Variants in CASZ1 observed in about 807,000 individuals in gnomAD.
CASZ1 encodes zinc finger protein castor homolog 1.
A neutral mutation model predicts 135.2 loss-of-function variants in CASZ1; 28 were observed. The ratio of observed to expected loss-of-function variants is 0.21; its 90% CI spans 0.15 to 0.28. The LOEUF is 0.28. Among genes scored for constraint, CASZ1 ranks in the 10% least tolerant of loss-of-function variants. The pLI, the probability that CASZ1 is intolerant of heterozygous loss-of-function variation, is 1.00. For missense variants in CASZ1, 2,161 were observed against 2,453.3 expected (o/e 0.88, Z 2.52); for synonymous variants, 1,068 against 1,073.4 (o/e 0.99, Z 0.10).
chr1:10,674,095 G>A (rs1643489800), intron 4 of CASZ1, among the ~76,000 whole-genome samples: 1 of 152,222 alleles, frequency 6.6e-6, no homozygotes, highest in East Asian at 1.9e-4. Context: ...GTGCCTGTAG[G>A]GGCCCCACAG....
chr1:10,754,870 GA>G lies in CASZ1; in HGVS notation c.-77+5830del, dbSNP rs1045185061. ...CAGCTCTTAACACAGATTACTAAGG[GA>G]AAAAAAAGTCGCTTTTAATTGCTTT... On this transcript the variant is annotated intron_variant, in intron 2 of 20. Coordinates refer to ENST00000377022, the MANE Select transcript of CASZ1 (RefSeq NM_001079843.3). 5.3e-5 allele frequency among the ~76,000 whole-genome samples: 8 copies of G among 152,092 alleles called. No individual in the cohort carries two copies. The East Asian group carries it at 1.4e-3, about 26-fold the overall frequency.
chr1:10,720,107 A>C lies in CASZ1; in HGVS notation c.-76-14563T>G, dbSNP rs903801204. Among the ~76,000 whole-genome samples, 1 of 152,220 alleles carries C rather than the reference A, an allele frequency of 6.6e-6. No individual in the cohort carries two copies. Among genetic ancestry groups the C allele is most frequent in the African/African-American group, 2.4e-5 (1 of 41,464 alleles). The stretch of plus-strand genomic sequence containing the variant: ...GCTTGGATCCGGCTGCAAGTTCTGA[A>C]GTCTGGTAGGTACCGATGGGCATGT... On this transcript the variant is annotated intron_variant, in intron 2 of 20. Coordinates refer to ENST00000377022, the MANE Select transcript of CASZ1 (RefSeq NM_001079843.3). The surrounding 1 kb of genome is among the most constrained non-coding windows in gnomAD (Gnocchi z 5.7).
In CASZ1 at chr1:10,646,172, C is replaced by T. The variant is rs750131413; in HGVS notation, c.3652G>A (p.Asp1218Asn). 1.2e-6 allele frequency: 2 copies of T among 1,614,164 alleles called. No individual in the cohort carries two copies. The highest frequency in any genetic ancestry group is 1.3e-5 in the African/African-American group (1 of 75,042). The change falls in exon 17 of 21, where the codon GAC (aspartate) becomes AAC (asparagine). Residue 1218 changes from aspartate to asparagine, a missense_variant. This residue lies in a region of CASZ1 where 349 missense variants were observed against 460.8 expected (regional missense o/e 0.76). Transcript: ENST00000377022. This position sits in a 1 kb window ranked among gnomAD's most constrained non-coding sequence, Gnocchi z 6.4. ...NPNNNLVNVRDQFAYYSLQCL... is the reference protein window; with the variant it reads ...NPNNNLVNVRNQFAYYSLQCL... ...TGCAGAGAGTAGTATGCAAACTGGTCTCGCACGTTCACCAGGTTGTTGTTG... is the reference window on the plus strand; with the variant it reads ...TGCAGAGAGTAGTATGCAAACTGGTTTCGCACGTTCACCAGGTTGTTGTTG...
chr1:10,743,664 T>TG (rs146404795), intron 2 of CASZ1, among the ~76,000 whole-genome samples: 2,344 of 23,454 alleles, frequency 0.1, 84 homozygotes, highest in African/African-American at 0.18. Context: ...GTCTCCAAAA[T>TG]GGGGGGGCGG....
At chr1:10,708,486 A>G (rs1378366830) in intron 2 of CASZ1, among the ~76,000 whole-genome samples, 1 of 152,216 alleles carries the variant, frequency 6.6e-6, no homozygotes, top group African/African-American at 2.4e-5. Flanking sequence ...GTACAGAGAA[A>G]AGTTGGCAAA....
At chr1:10,734,566 T>C (rs1639760907) in intron 2 of CASZ1, among the ~76,000 whole-genome samples, 1 of 152,180 alleles carries the variant, frequency 6.6e-6, no homozygotes. Context: ...AATTTTGTGT[T>C]CCTTGGTAAC....
At chr1:10,790,583 C>G (rs1382628330) in intron 1 of CASZ1, among the ~76,000 whole-genome samples, 4 of 152,194 alleles carry the variant, frequency 2.6e-5, no homozygotes, top group African/African-American at 9.7e-5. Context: ...AACAAGATAC[C>G]AAATAAATCT....
intron 1 of CASZ1, among the ~76,000 whole-genome samples, chr1:10,791,230 ACCAGTGGGGATT>A (rs1191435680): frequency 6.6e-6 from 1 of 152,190 alleles, no homozygotes; most frequent in Non-Finnish European, 1.5e-5. Flanking sequence ...GGAAATATTA[ACCAGTGGGGATT>A]CCAAAAGCTA....
rs1639173846 is a variant in CASZ1, at chr1:10,706,392, G to C, written c.-76-848C>G. On this transcript the variant is annotated intron_variant, in intron 2 of 20. Transcript: ENST00000377022. The surrounding 1 kb of genome is among the most constrained non-coding windows in gnomAD (Gnocchi z 4.3). The stretch of plus-strand genomic sequence containing the variant: ...CTTGCTCAAGCCAGGCCCTGCCCCT[G>C]CAGGCCTCAGAACCCTATCCAGGCT... Among the ~76,000 whole-genome samples, 1 of 152,202 alleles carries C rather than the reference G, an allele frequency of 6.6e-6. No homozygotes were observed. Among genetic ancestry groups the C allele is most frequent in the Admixed American group, 6.5e-5 (1 of 15,288 alleles).
intron 2 of CASZ1, among the ~76,000 whole-genome samples, chr1:10,723,389 T>C (rs552898201): frequency 3.8e-4 from 58 of 152,324 alleles, no homozygotes; most frequent in Middle Eastern, 3.4e-3. Flanking sequence ...CACTGTGCCA[T>C]GATTTAGAGC....
At chr1:10,649,944 G>A (rs1350072588) in intron 13 of CASZ1, 1 of 152,290 alleles carries the variant, frequency 6.6e-6, no homozygotes, top group Admixed American at 6.5e-5. Flanking sequence ...GGGGGTCATT[G>A]CGAGGATCCA....
At chr1:10,658,616 G>T (rs375638761) in intron 6 of CASZ1, 40 bp from the exon 7 acceptor site, 62 of 1,577,102 alleles carry the variant, frequency 3.9e-5, no homozygotes, top group Non-Finnish European at 5.2e-5. Context: ...TGAGCAGATG[G>T]GGCAGCCTCG....
rs1557499078 is a variant in CASZ1 at position 10,679,146 on chromosome 1, A to T, written c.17-13575T>A. Among the ~76,000 whole-genome samples the T allele has an allele frequency of 6.6e-6, 1 of 152,160 alleles. No homozygotes were observed. Among genetic ancestry groups the T allele is most frequent in the Non-Finnish European group, 1.5e-5 (1 of 68,012 alleles). On this transcript the variant is annotated intron_variant, in intron 4 of 20. Transcript: ENST00000377022. The surrounding 1 kb of genome is among the most constrained non-coding windows in gnomAD (Gnocchi z 4.7). ...CTGCCCCGACTTCCCAGGATTCACG[A>T]GGGGACTGCAGGGCTGGCACAGAGC...
chr1:10,675,543 C>T (rs1397732054), intron 4 of CASZ1, among the ~76,000 whole-genome samples: 1 of 152,052 alleles, frequency 6.6e-6, no homozygotes, highest in South Asian at 2.1e-4. Context: ...CCCAGTGCCT[C>T]GGTCACATCC....
intron 18 of CASZ1, among the ~76,000 whole-genome samples, chr1:10,644,697 C>T (rs1196975301): frequency 6.6e-6 from 1 of 152,226 alleles, no homozygotes; most frequent in Non-Finnish European, 1.5e-5. Flanking sequence ...GGGCGGTGCC[C>T]TGCGTGAGTC....
At chr1:10,745,497 C>T (rs149183601) in intron 2 of CASZ1, among the ~76,000 whole-genome samples, 96 of 152,310 alleles carry the variant, frequency 6.3e-4, no homozygotes, top group African/African-American at 2.2e-3. Context: ...GCAGGGCCGG[C>T]TTCCTGGGTG....
Position 10,717,395 on chromosome 1 carries a change from T to C in CASZ1, c.-76-11851A>G, listed in dbSNP as rs903300368. The stretch of plus-strand genomic sequence containing the variant: ...AGTTGTTGGAGGTTTTTTTTTCTTT[T>C]CTTTTCTTTTTTGCTATTTATCAGC... On this transcript the variant is annotated intron_variant, in intron 2 of 20. Transcript: ENST00000377022. This position sits in a 1 kb window ranked among gnomAD's most constrained non-coding sequence, Gnocchi z 4.6. Among the ~76,000 whole-genome samples, 1 of 152,170 alleles carries C rather than the reference T, an allele frequency of 6.6e-6. No individual in the cohort carries two copies. The highest frequency in any genetic ancestry group is 1.5e-5 in the Non-Finnish European group (1 of 68,016).
At chr1:10,714,658 A>C (rs1164576188) in intron 2 of CASZ1, among the ~76,000 whole-genome samples, 1 of 152,202 alleles carries the variant, frequency 6.6e-6, no homozygotes, top group Non-Finnish European at 1.5e-5. Flanking sequence ...TAATCTCCCC[A>C]GCGCTCTGAC....
At chr1:10,693,497 CAAAAAAAAAAAAAA>C (rs1172496673) in intron 4 of CASZ1, among the ~76,000 whole-genome samples, 3 of 23,286 alleles carry the variant, frequency 1.3e-4, no homozygotes, top group East Asian at 1.4e-3. Flanking sequence ...TTGCAGAGAA[CAAAAAAAAAAAAAA>C]AAAAAAAAAA....
Sources: allele counts gnomAD v4.1 joint callset (sites outside exome capture counted in the v4.1 genomes callset), GRCh38; gene constraint gnomAD v4.1.1; regional missense constraint gnomAD v4.1.1; non-coding constraint Gnocchi (gnomAD v3.1); transcripts MANE v1.5; gene names NCBI Gene and HGNC (gene_info 2026-07-23, HGNC 2026-07-21).